Variants in VWA5B1 observed in about 807,000 individuals in gnomAD.
VWA5B1 encodes von Willebrand factor A domain containing 5B1.
In VWA5B1, 115 loss-of-function variants were observed where a neutral mutation model predicts 118.2. The ratio of observed to expected loss-of-function variants is 0.97; its 90% confidence interval spans 0.84 to 1.14. The LOEUF is 1.14. Among genes scored for constraint, VWA5B1 ranks in the 50% most tolerant of loss-of-function variants. The pLI is 0.00. For missense variants in VWA5B1, 1,596 were observed against 1,603.8 expected, an observed-to-expected ratio of 1.00 and a Z score of 0.08; for synonymous variants, 682 against 658.4, an observed-to-expected ratio of 1.04 and a Z score of -0.55.
chr1:20,337,840 C>A lies in VWA5B1; in HGVS notation c.2133+4C>A. On this transcript the variant is annotated splice_donor_region_variant and intron_variant, in intron 14 of 21. Coordinates refer to ENST00000289815, the MANE Select transcript of VWA5B1 (RefSeq NM_001039500.3). ...GCGGTGGCAGATTGATTTGCAGGTA[C>A]CCAAGCAGGACAGATTAGGGAGGAG... 1 of 1,551,566 alleles carries A rather than the reference C, an allele frequency of 6.4e-7. No individual in the cohort carries two copies. Among genetic ancestry groups the A allele is most frequent in the Non-Finnish European group, 8.7e-7 (1 of 1,146,918 alleles).
intron 8 of VWA5B1, among the ~76,000 whole-genome samples, chr1:20,325,338 G>A (rs2089345493): frequency 6.6e-6 from 1 of 152,234 alleles, no homozygotes; most frequent in African/African-American, 2.4e-5. Flanking sequence ...CTGTGGACAA[G>A]CTGATTTTCA....
chr1:20,358,704 T>G lies in VWA5B1; in HGVS notation c.*4441T>G, dbSNP rs959727824. 3.9e-5 allele frequency among the ~76,000 whole-genome samples: 6 copies of G among 152,256 alleles called. No homozygotes were observed. Among genetic ancestry groups the G allele is most frequent in the Non-Finnish European group, 8.8e-5 (6 of 68,046 alleles). On this transcript the variant is annotated 3_prime_UTR_variant, in exon 22 of 22. Coordinates refer to ENST00000289815, the MANE Select transcript of VWA5B1 (RefSeq NM_001039500.3). ...GTACTGCCGCCCCATGAATGGGGCA[T>G]GTGCTCATTGCCTTGGCATCTGGAA...
In VWA5B1 at chr1:20,312,883, G is replaced by C; in HGVS notation, c.187G>C (p.Glu63Gln). The C allele has an allele frequency of 2.6e-6, 4 of 1,551,702 alleles. No homozygotes were observed. Among genetic ancestry groups the C allele is most frequent in the South Asian group, 1.2e-5 (1 of 84,042 alleles). ...LDECTTVIGF[E>Q]AVIADRVVTV... ...TGAGTGCACCACGGTGATCGGCTTT[G>C]AGGCAGTCATTGCCGACCGTGTCGT... Residue 63 changes from glutamate to glutamine, a missense_variant, in exon 3 of 22, where the codon GAG (glutamate) becomes CAG (glutamine). Transcript: ENST00000289815.
At chr1:20,339,533 G>T (rs1299952677) in intron 14 of VWA5B1, among the ~76,000 whole-genome samples, 1 of 152,106 alleles carries the variant, frequency 6.6e-6, no homozygotes, top group African/African-American at 2.4e-5. Context: ...CAGAGAGAGA[G>T]ATCCTGTCTC....
intron 1 of VWA5B1, among the ~76,000 whole-genome samples, chr1:20,298,145 G>T (rs2088442012): frequency 6.6e-6 from 1 of 151,592 alleles, no homozygotes; most frequent in African/African-American, 2.4e-5. Flanking sequence ...CAAGAAGCTG[G>T]GATTACAGGT....
intron 1 of VWA5B1, chr1:20,303,312 A>G (rs1206324580): frequency 1.3e-5 from 2 of 152,262 alleles, no homozygotes; most frequent in Admixed American, 1.3e-4. Context: ...CCCCAACTCT[A>G]TGGAGAAGCA....
intron 14 of VWA5B1, among the ~76,000 whole-genome samples, chr1:20,340,199 G>GCCA (rs1553121623): frequency 2.1e-4 from 31 of 148,772 alleles, no homozygotes; most frequent in Admixed American, 6.7e-4. Context: ...ATATGTGCGC[G>GCCA]CACACACACA....
chr1:20,308,561 C>T (rs966911383), intron 1 of VWA5B1, among the ~76,000 whole-genome samples: 8 of 152,292 alleles, frequency 5.3e-5, no homozygotes, highest in South Asian at 2.1e-4. Flanking sequence ...AGCACCCTCA[C>T]GTCTTGCCTC....
Position 20,337,585 on chromosome 1 carries a change from C to T in VWA5B1, c.1943-61C>T, listed in dbSNP as rs1251548285. On this transcript the variant is annotated intron_variant, in intron 13 of 21. Transcript: ENST00000289815. ...ACACTTCCAAACAGGAAAGGGGATG[C>T]AAGCCCCACTCTTTCCCTGCTGTCC... The T allele has an allele frequency of 6.8e-6, 10 of 1,475,392 alleles. No homozygotes were observed. In the East Asian group the frequency reaches 1.5e-4, roughly 22 times the overall value. The allele number at this position is 1,475,392 out of a possible 1,614,324, so 91.4% of individuals were successfully genotyped here.
chr1:20,323,214 G>A, intron 7 of VWA5B1, 142 bp from the exon 8 acceptor site: 1 of 739,702 alleles, frequency 1.4e-6, no homozygotes, highest in South Asian at 4.4e-5. Flanking sequence ...AAACAGAAGA[G>A]CTGAGCACAG....
Position 20,312,979 on chromosome 1 carries a change from A to G in VWA5B1, c.283A>G (p.Thr95Ala), listed in dbSNP as rs2088896031. ...CGATGCCTCCCATGTTCGATCCCCA[A>G]CAGTCACAGGTAAGGAGACCAGAAG... ...HFDASHVRSP[T>A]VTGNILQDGV... is the part of the protein sequence containing the mutation. The change falls in exon 3 of 22, where the codon ACA becomes GCA. Residue 95 changes from threonine (T) to alanine (A), a missense_variant. Coordinates refer to ENST00000289815, the MANE Select transcript of VWA5B1 (RefSeq NM_001039500.3). 1.3e-6 allele frequency: 2 copies of G among 1,551,404 alleles called. No individual in the cohort carries two copies. Among genetic ancestry groups the G allele is most frequent in the African/African-American group, 1.4e-5 (1 of 73,054 alleles).
chr1:20,349,318 C>T (rs1002026389), intron 18 of VWA5B1: 7 of 179,722 alleles, frequency 3.9e-5, no homozygotes, highest in South Asian at 9.9e-5. Flanking sequence ...TTCCTTTCTC[C>T]GAAGCTTAGC....
intron 12 of VWA5B1, among the ~76,000 whole-genome samples, chr1:20,335,304 C>A (rs932235011): frequency 6.6e-6 from 1 of 152,168 alleles, no homozygotes; most frequent in Non-Finnish European, 1.5e-5. Context: ...AGTGTGGAGA[C>A]CCTATCTCTA....
Position 20,297,857 on chromosome 1 carries a change from T to A in VWA5B1, c.-27+6769T>A, listed in dbSNP as rs553074418. Among the ~76,000 whole-genome samples the A allele has an allele frequency of 2.0e-5, 3 of 152,324 alleles. No homozygotes were observed. The South Asian group carries it at 6.2e-4, about 32-fold the overall frequency. On this transcript the variant is annotated intron_variant, in intron 1 of 21. Transcript: ENST00000289815. ...TGAGCCTCAGTCTCCTCCTGATCCT[T>A]AAAATGGGATAATAATCCGTATTTT... is the stretch of plus-strand genomic sequence containing the variant.
At chr1:20,292,737 T>G (rs1334634945) in intron 1 of VWA5B1, among the ~76,000 whole-genome samples, 1 of 152,202 alleles carries the variant, frequency 6.6e-6, no homozygotes, top group Non-Finnish European at 1.5e-5. Context: ...GATATGTGGC[T>G]GTGGGGCCCT....
chr1:20,350,430 A>C (rs936055087), intron 19 of VWA5B1, among the ~76,000 whole-genome samples, 200 bp downstream of exon 19: 5 of 152,338 alleles, frequency 3.3e-5, no homozygotes, highest in Admixed American at 3.3e-4. Flanking sequence ...GCCCAAGGTC[A>C]CAGAGTACTC....
intron 19 of VWA5B1, among the ~76,000 whole-genome samples, 164 bp from the exon 20 acceptor site, chr1:20,350,693 C>T (rs1019702195): frequency 6.6e-6 from 1 of 152,208 alleles, no homozygotes; most frequent in African/African-American, 2.4e-5. Flanking sequence ...CCACCCTACA[C>T]CAACTGGAGC....
chr1:20,336,222 G>A (rs2089711135), intron 12 of VWA5B1, 81 bp from the exon 13 acceptor site: 6 of 1,229,946 alleles, frequency 4.9e-6, no homozygotes. Flanking sequence ...CACCACCTCT[G>A]CTCACACCCC....
At chr1:20,291,811 G>A (rs2100788200) in intron 1 of VWA5B1, among the ~76,000 whole-genome samples, 1 of 152,330 alleles carries the variant, frequency 6.6e-6, no homozygotes, top group South Asian at 2.1e-4. Flanking sequence ...GGCAGAAGGA[G>A]GCGGCTAGTG....
Sources: allele counts gnomAD v4.1 joint callset (sites outside exome capture counted in the v4.1 genomes callset), GRCh38; gene constraint gnomAD v4.1.1; transcripts MANE v1.5; gene names NCBI Gene and HGNC (gene_info 2026-07-23, HGNC 2026-07-21).